The following COL5A1 variants were observed in gnomAD, a reference collection of about 807,000 sequenced individuals.
COL5A1 encodes collagen type V alpha 1 chain.
Under a neutral mutation model 263.7 loss-of-function variants are expected in COL5A1, and 16 were observed. The observed-to-expected ratio is 0.06, with a 90% CI of 0.04 to 0.09. The LOEUF (loss-of-function observed/expected upper bound fraction) is 0.09, where lower values mean the gene tolerates loss of function less well. Ranked by LOEUF, COL5A1 falls within the 10% of genes least tolerant of loss-of-function variation. The pLI, the probability that COL5A1 is intolerant of heterozygous loss-of-function variation, is 1.00. For synonymous variants in COL5A1, 1,012 were observed against 1,004.5 expected (o/e 1.01, Z -0.14); for missense variants, 2,036 against 2,540.5 (o/e 0.80, Z 4.27).
rs75751788 is a variant in COL5A1 at position 134,652,311 on chromosome 9, C to T, written c.109+10015C>T. 0.021 allele frequency among the ~76,000 whole-genome samples: 3,187 copies of T among 148,638 alleles called. 139 individuals are homozygous for T. The highest frequency in any genetic ancestry group is 0.075 in the African/African-American group (3,045 of 40,676). ...GGGCCGGTGTGGCGGTAACAGTGAG[C>T]TGGTGACAGCAGGCAGACCCAGTGT... is the stretch of plus-strand genomic sequence containing the variant. On this transcript the variant is annotated intron_variant, in intron 1 of 65. Coordinates refer to ENST00000371817, the MANE Select transcript of COL5A1 (RefSeq NM_000093.5). The surrounding 1 kb of genome is among the most constrained non-coding windows in gnomAD (Gnocchi z 4.4).
chr9:134,787,843 C>T (rs940673865), intron 31 of COL5A1, among the ~76,000 whole-genome samples: 35 of 152,340 alleles, frequency 2.3e-4, no homozygotes, highest in East Asian at 1.7e-3. Flanking sequence ...AAACACCAGC[C>T]ACCCTCCTAT....
intron 9 of COL5A1, among the ~76,000 whole-genome samples, chr9:134,733,879 C>T (rs1298253494): frequency 1.3e-5 from 2 of 152,224 alleles, no homozygotes; most frequent in African/African-American, 4.8e-5. Context: ...TGAGGTTGGC[C>T]TTGGGCTTCT....
rs532604921 is a variant in COL5A1, at chr9:134,648,304, A to T, written c.109+6008A>T. ...AATAAACTCCTATATATATATATAT[A>T]ATATATATATATATATTTCTATTAT... is the stretch of plus-strand genomic sequence containing the variant. On this transcript the variant is annotated intron_variant, in intron 1 of 65. Coordinates refer to ENST00000371817, the MANE Select transcript of COL5A1 (RefSeq NM_000093.5). Among the ~76,000 whole-genome samples, 62 of 116,754 alleles carry T rather than the reference A, an allele frequency of 5.3e-4. 1 individual carries two copies. Among genetic ancestry groups the T allele is most frequent in the Admixed American group, 1.1e-3 (12 of 11,282 alleles). The allele number at this position is 116,754 out of a possible 152,430, so 76.6% of individuals were successfully genotyped here. A position where few individuals can be genotyped will look rare whatever the true frequency, so the allele number is the denominator to read the frequency against.
intron 32 of COL5A1, among the ~76,000 whole-genome samples, chr9:134,790,255 G>A (rs1243042547): frequency 6.6e-6 from 1 of 152,158 alleles, no homozygotes; most frequent in East Asian, 1.9e-4. Flanking sequence ...CAGACCCAAG[G>A]AGACTATTAT....
chr9:134,822,605 C>T (rs940855333), intron 59 of COL5A1, among the ~76,000 whole-genome samples: 5 of 152,082 alleles, frequency 3.3e-5, no homozygotes, highest in Admixed American at 2.6e-4. Flanking sequence ...TGCAGGTACA[C>T]ATGGCCCCCG....
chr9:134,794,975 C>G lies in COL5A1; in HGVS notation c.2701-107C>G. ...GGTGGCGGGGAGGCCCAGGTTCCTC[C>G]TATCCTGCTCTGAATTCACAGTCTC... On this transcript the variant is annotated intron_variant, in intron 32 of 65. Coordinates refer to ENST00000371817, the MANE Select transcript of COL5A1 (RefSeq NM_000093.5). This position sits in a 1 kb window ranked among gnomAD's most constrained non-coding sequence, Gnocchi z 4.3. 3.1e-6 allele frequency: 4 copies of G among 1,306,506 alleles called. No individual in the cohort carries two copies. Among genetic ancestry groups the G allele is most frequent in the Non-Finnish European group, 4.4e-6 (4 of 910,036 alleles). 80.9% of individuals were successfully genotyped at this position (1,306,506 alleles called of 1,614,324 possible).
intron 1 of COL5A1, among the ~76,000 whole-genome samples, chr9:134,660,249 G>T (rs1170779971): frequency 6.6e-6 from 1 of 152,218 alleles, no homozygotes; most frequent in African/African-American, 2.4e-5. Flanking sequence ...GGTTTGCCAA[G>T]GACCAGGCTC....
chr9:134,711,896 G>A (rs188671621), intron 4 of COL5A1, among the ~76,000 whole-genome samples: 4 of 152,076 alleles, frequency 2.6e-5, no homozygotes, highest in East Asian at 1.9e-4. Context: ...AGTGGATGGC[G>A]CTGGGCCTGA....
At chr9:134,785,566 A>G (rs534593862) in intron 30 of COL5A1, among the ~76,000 whole-genome samples, 1 of 152,118 alleles carries the variant, frequency 6.6e-6, no homozygotes, top group Non-Finnish European at 1.5e-5. Context: ...GGCCAGCCAC[A>G]CACCCTGGCT....
In COL5A1 at chr9:134,842,321, C is replaced by G. The variant is rs771601478; in HGVS notation, c.*18C>G. ...TGGGCTAGGAGCCGCCGAGCCCGGGCTCCCGAGAGCAACCTCGTGACCTCA... is the reference window on the plus strand; with the variant it reads ...TGGGCTAGGAGCCGCCGAGCCCGGGGTCCCGAGAGCAACCTCGTGACCTCA... On this transcript the variant is annotated 3_prime_UTR_variant, in exon 66 of 66. Coordinates refer to ENST00000371817, the MANE Select transcript of COL5A1 (RefSeq NM_000093.5). This position sits in a 1 kb window ranked among gnomAD's most constrained non-coding sequence, Gnocchi z 5.8. The G allele has an allele frequency of 6.2e-7, 1 of 1,613,820 alleles. No individual in the cohort carries two copies. The highest frequency in any genetic ancestry group is 8.5e-7 in the Non-Finnish European group (1 of 1,179,908).
intron 12 of COL5A1, 63 bp downstream of exon 12, chr9:134,750,679 C>T: frequency 6.3e-7 from 1 of 1,598,384 alleles, no homozygotes; most frequent in Non-Finnish European, 8.6e-7. Context: ...CAAACCAGAC[C>T]CTCTGAGGCT....
At chr9:134,834,212 A>G (rs1839762801) in intron 64 of COL5A1, among the ~76,000 whole-genome samples, 1 of 152,154 alleles carries the variant, frequency 6.6e-6, no homozygotes, top group African/African-American at 2.4e-5. Flanking sequence ...AGGGGAAACC[A>G]GGGCTCGCCT....
rs1272170006 is a variant in COL5A1, at chr9:134,731,561, G to A, written c.1230G>A (p.Arg410=). ...GGGAGTTCACTGAGGAAACGATCCG[G>A]AACCTTGACGAGAACTACTACGACC... ...LEGEFTEETI[R]NLDENYYDPY... is the part of the protein sequence containing the mutation. Residue 410 remains arginine, a synonymous_variant, in exon 8 of 66, where the codon CGG becomes CGA. Transcript: ENST00000371817. 4 of 1,614,100 alleles carry A rather than the reference G, an allele frequency of 2.5e-6. No homozygotes were observed. Among genetic ancestry groups the A allele is most frequent in the African/African-American group, 1.3e-5 (1 of 74,946 alleles).
At chr9:134,823,379 T>G (rs758456467) in intron 60 of COL5A1, 37 bp from the exon 61 acceptor site, 57 of 1,612,444 alleles carry the variant, frequency 3.5e-5, no homozygotes, top group Middle Eastern at 1.6e-4. Context: ...CCCTCATACC[T>G]CTGTGACCAA....
intron 22 of COL5A1, 31 bp downstream of exon 22, chr9:134,766,529 C>A (rs369820884): frequency 3.0e-4 from 479 of 1,611,692 alleles, no homozygotes; most frequent in Non-Finnish European, 3.8e-4. Flanking sequence ...GGCCTGGCTT[C>A]AGGGGCACTT....
chr9:134,805,937 C>G (rs1322648217), intron 41 of COL5A1, among the ~76,000 whole-genome samples: 1 of 152,080 alleles, frequency 6.6e-6, no homozygotes, highest in Non-Finnish European at 1.5e-5. Flanking sequence ...AAGAGGGAGC[C>G]CATTGAAGGC....
intron 26 of COL5A1, among the ~76,000 whole-genome samples, chr9:134,774,032 G>A (rs565736156): frequency 1.8e-3 from 281 of 152,338 alleles, no homozygotes; most frequent in African/African-American, 6.3e-3. Context: ...CTCGCACAGT[G>A]CCCGGAACTG....
At chr9:134,822,788 T>A in intron 59 of COL5A1, 1 of 645,062 alleles carries the variant, frequency 1.6e-6, no homozygotes, top group East Asian at 2.8e-5. Flanking sequence ...CGGGGGCAGG[T>A]AGGACCACCC....
At chr9:134,830,899 G>A (rs1487096982) in intron 64 of COL5A1, among the ~76,000 whole-genome samples, 2 of 152,170 alleles carry the variant, frequency 1.3e-5, no homozygotes, top group African/African-American at 2.4e-5. Context: ...TTTGATTTGG[G>A]CCCTCTCCTG....
Sources: gnomAD v4.1 joint callset for allele counts (sites outside exome capture counted in the v4.1 genomes callset) on GRCh38, gnomAD v4.1.1 for gene constraint, Gnocchi (gnomAD v3.1) non-coding constraint, MANE v1.5 for transcripts, NCBI Gene and HGNC (gene_info 2026-07-23, HGNC 2026-07-21) for gene names.